The following ZSWIM8 variants were observed in gnomAD, a reference collection of about 807,000 sequenced individuals.
ZSWIM8 encodes the protein zinc finger SWIM-type containing 8.
ZSWIM8 carries 27 observed loss-of-function variants against 173.7 expected under a neutral mutation model. That is an observed-to-expected ratio of 0.16 (90% CI 0.11 to 0.21). The LOEUF (loss-of-function observed/expected upper bound fraction) is 0.21. ZSWIM8 is among the 10% of genes least tolerant of loss of function. The pLI, the probability that ZSWIM8 is intolerant of heterozygous loss-of-function variation, is 1.00. For missense variants in ZSWIM8, 1,627 were observed against 2,428.8 expected (o/e 0.67, Z 6.94); for synonymous variants, 958 against 962.0 (o/e 1.00, Z 0.08).
chr10:73,793,494 A>C, intron 10 of ZSWIM8, 94 bp from the exon 11 acceptor site: 4 of 1,416,864 alleles, frequency 2.8e-6, no homozygotes, highest in Non-Finnish European at 3.8e-6. Context: ...GCATGTAGCA[A>C]GTGTTCAAGG....
Position 73,792,983 on chromosome 10 carries a change from T to C in ZSWIM8, c.2313+131T>C. Reference sequence around the variant, plus strand: ...CCCTGTTGCAGGCGCCGAACTGGTCTCCCTGCTTTCAGTCTACTCACTTTT... The same window carrying C: ...CCCTGTTGCAGGCGCCGAACTGGTCCCCCTGCTTTCAGTCTACTCACTTTT... On this transcript the variant is annotated intron_variant, in intron 10 of 25. Transcript: ENST00000604729. The surrounding 1 kb of genome is among the most constrained non-coding windows in gnomAD (Gnocchi z 4.3). The C allele has an allele frequency of 9.0e-7, 1 of 1,111,638 alleles. No homozygotes were observed. Among genetic ancestry groups the C allele is most frequent in the Non-Finnish European group, 1.3e-6 (1 of 796,214 alleles). The allele number at this position is 1,111,638 out of a possible 1,614,324, so 68.9% of individuals were successfully genotyped here.
Position 73,797,470 on chromosome 10 carries a change from C to T in ZSWIM8, c.3527C>T (p.Thr1176Ile). 6.2e-7 allele frequency: 1 copy of T among 1,613,976 alleles called. No individual in the cohort carries two copies. The highest frequency in any genetic ancestry group is 8.5e-7 in the Non-Finnish European group (1 of 1,179,876). The change falls in exon 18 of 26, where the codon ACC becomes ATC. Residue 1176 changes from threonine (T) to isoleucine (I), a missense_variant. Physicochemically the swap from Thr to Ile is moderately conservative, Grantham distance 89 (BLOSUM62 -1). Coordinates refer to ENST00000604729, the MANE Select transcript of ZSWIM8 (RefSeq NM_001367799.1). The surrounding 1 kb of genome is among the most constrained non-coding windows in gnomAD (Gnocchi z 5.6). ...RRPLRGGWAP[T>I]SWGRGQDSDS... ...CCACTTCGAGGGGGCTGGGCCCCCA[C>T]CTCCTGGGGTCGAGGTCAGGACAGT...
chr10:73,792,512 C>A lies in ZSWIM8; in HGVS notation c.1973C>A (p.Thr658Asn), dbSNP rs781561893. The change falls in exon 10 of 26, where the codon ACT (threonine) becomes AAT (asparagine). Residue 658 changes from threonine to asparagine, a missense_variant. This residue lies in a region of ZSWIM8 where 383 missense variants were observed against 394.8 expected (regional missense o/e 0.97). Coordinates refer to ENST00000604729, the MANE Select transcript of ZSWIM8 (RefSeq NM_001367799.1). The surrounding 1 kb of genome is among the most constrained non-coding windows in gnomAD (Gnocchi z 4.3). The part of the protein sequence containing the change: ...PLHGGSRGPS[T>N]FLPEPPDTYE... The stretch of plus-strand genomic sequence containing the variant: ...CACGGTGGCTCCCGAGGCCCTTCCA[C>A]TTTCCTTCCTGAGCCCCCAGATACT... 3 of 1,613,896 alleles carry A rather than the reference C, an allele frequency of 1.9e-6. No homozygotes were observed. In the South Asian group the frequency reaches 3.3e-5, roughly 18 times the overall value.
chr10:73,798,495 G>A, intron 20 of ZSWIM8, 42 bp downstream of exon 20: 7 of 1,569,730 alleles, frequency 4.5e-6, no homozygotes, highest in Non-Finnish European at 6.1e-6. Flanking sequence ...TGGGGCATCT[G>A]GGCAGGGAGG....
Position 73,800,039 on chromosome 10 carries a change from A to C in ZSWIM8, c.4694A>C (p.Gln1565Pro). Residue 1565 changes from glutamine (Q) to proline (P), a missense_variant, in exon 22 of 26, where the codon CAG (glutamine) becomes CCG (proline). This residue lies in a region of ZSWIM8 where 275 missense variants were observed against 290.1 expected (regional missense o/e 0.95). Coordinates refer to ENST00000604729, the MANE Select transcript of ZSWIM8 (RefSeq NM_001367799.1). This position sits in a 1 kb window ranked among gnomAD's most constrained non-coding sequence, Gnocchi z 4.1. The stretch of plus-strand genomic sequence containing the variant: ...GTGCATCCTGCATTCCTAGGGGCTC[A>C]GTACCCTTATTCAGTGACTCCTCCC... ...QGVHPAFLGAQYPYSVTPPSL... is the reference protein window; with the variant it reads ...QGVHPAFLGAPYPYSVTPPSL... 4 of 1,613,730 alleles carry C rather than the reference A, an allele frequency of 2.5e-6. No homozygotes were observed. Among genetic ancestry groups the C allele is most frequent in the Non-Finnish European group, 3.4e-6 (4 of 1,179,786 alleles).
In ZSWIM8 at chr10:73,785,648, C is replaced by T. The variant is rs571368664; in HGVS notation, c.-231C>T. The T allele has an allele frequency of 3.3e-6, 2 of 608,618 alleles. No individual in the cohort carries two copies. The highest frequency in any genetic ancestry group is 4.0e-5 in the East Asian group (1 of 24,792). The allele number at this position is 608,618 out of a possible 1,614,324, so 37.7% of individuals were successfully genotyped here. A position where few individuals can be genotyped will look rare whatever the true frequency, so the allele number is the denominator to read the frequency against. ...AGCCGCCGAGCGCTTCGTCCCGGCC[C>T]TAAGTCTCGGAGACTGGCCAAGATC... On this transcript the variant is annotated 5_prime_UTR_variant, in exon 1 of 26. Transcript: ENST00000604729.
chr10:73,798,538 G>C, intron 20 of ZSWIM8, 85 bp downstream of exon 20: 1 of 1,239,688 alleles, frequency 8.1e-7, no homozygotes, highest in Non-Finnish European at 1.1e-6. Context: ...CCCAGCTCTT[G>C]ATTCCCGTAT....
At position 73,789,351 on chromosome 10, in the gene ZSWIM8, C is replaced by A; in HGVS notation, c.458-16C>A. ...TCCTGACAGCACTCCCTGACCATGC[C>A]CCCATTTCTCCCCAGGGTTCCACCT... On this transcript the variant is annotated splice_polypyrimidine_tract_variant and intron_variant, in intron 3 of 25. Transcript: ENST00000604729. The surrounding 1 kb of genome is among the most constrained non-coding windows in gnomAD (Gnocchi z 6.8). 1 of 1,551,332 alleles carries A rather than the reference C, an allele frequency of 6.4e-7. No individual in the cohort carries two copies. Among genetic ancestry groups the A allele is most frequent in the East Asian group, 2.3e-5 (1 of 43,392 alleles).
Position 73,792,922 on chromosome 10 carries a change from T to C in ZSWIM8, c.2313+70T>C. The C allele has an allele frequency of 1.3e-6, 2 of 1,487,104 alleles. No individual in the cohort carries two copies. The highest frequency in any genetic ancestry group is 2.3e-5 in the East Asian group (1 of 43,800). 92.1% of individuals were successfully genotyped at this position (1,487,104 alleles called of 1,614,324 possible). A position where few individuals can be genotyped will look rare whatever the true frequency, so the allele number is the denominator to read the frequency against. ...ACTGGGAGGGGCTATCTAGCTCTAG[T>C]TGGGAGTGTCAGGACCATCAGCAGG... On this transcript the variant is annotated intron_variant, in intron 10 of 25. Coordinates refer to ENST00000604729, the MANE Select transcript of ZSWIM8 (RefSeq NM_001367799.1). This position sits in a 1 kb window ranked among gnomAD's most constrained non-coding sequence, Gnocchi z 4.3.
In ZSWIM8 at chr10:73,800,012, G is replaced by A. The variant is rs2083862784; in HGVS notation, c.4667G>A (p.Gly1556Asp). 4 of 1,613,016 alleles carry A rather than the reference G, an allele frequency of 2.5e-6. No individual in the cohort carries two copies. The highest frequency in any genetic ancestry group is 1.3e-5 in the African/African-American group (1 of 74,898). The change falls in exon 22 of 26, where the codon GGT (glycine) becomes GAT (aspartate). Residue 1556 changes from glycine to aspartate, a missense_variant and splice_region_variant. This residue lies in a region of ZSWIM8 where 275 missense variants were observed against 290.1 expected (regional missense o/e 0.95). Coordinates refer to ENST00000604729, the MANE Select transcript of ZSWIM8 (RefSeq NM_001367799.1). The surrounding 1 kb of genome is among the most constrained non-coding windows in gnomAD (Gnocchi z 4.1). ...FPVPSSAYPQ[G>D]VHPAFLGAQY... Reference sequence around the variant, plus strand: ...CCCCTTTCTTCTCCCTGCCCCTAGGGTGTGCATCCTGCATTCCTAGGGGCT... The same window carrying A: ...CCCCTTTCTTCTCCCTGCCCCTAGGATGTGCATCCTGCATTCCTAGGGGCT...
Position 73,785,743 on chromosome 10 carries a change from C to T in ZSWIM8, c.-136C>T. ...TCCCAGGCCTGAGATTCTCGCCCGG[C>T]ACGGCCGCCCTGAGCGCCCCGGCCA... On this transcript the variant is annotated 5_prime_UTR_variant, in exon 1 of 26. Coordinates refer to ENST00000604729, the MANE Select transcript of ZSWIM8 (RefSeq NM_001367799.1). The T allele has an allele frequency of 1.1e-6, 1 of 902,556 alleles. No individual in the cohort carries two copies. Among genetic ancestry groups the T allele is most frequent in the Non-Finnish European group, 1.7e-6 (1 of 584,066 alleles). The allele number at this position is 902,556 out of a possible 1,614,324, so 55.9% of individuals were successfully genotyped here.
intron 15 of ZSWIM8, chr10:73,796,512 C>A (rs2083663748): frequency 1.9e-6 from 1 of 527,120 alleles, no homozygotes; most frequent in Non-Finnish European, 3.4e-6. Flanking sequence ...GGCATAAAGT[C>A]ATTCATTCAC....
intron 1 of ZSWIM8, 130 bp from the exon 2 acceptor site, chr10:73,788,539 TC>T: frequency 8.6e-7 from 1 of 1,158,158 alleles, no homozygotes; most frequent in East Asian, 2.5e-5. Flanking sequence ...CCTAGGACTT[TC>T]ATCCAGGTCT....
In ZSWIM8 at chr10:73,792,595, G is replaced by C; in HGVS notation, c.2056G>C (p.Val686Leu). 6.2e-7 allele frequency: 1 copy of C among 1,614,054 alleles called. No homozygotes were observed. Residue 686 changes from valine to leucine, a missense_variant, in exon 10 of 26, where the codon GTT (valine) becomes CTT (leucine). This residue lies in a region of ZSWIM8 where 383 missense variants were observed against 394.8 expected (regional missense o/e 0.97). Transcript: ENST00000604729. This position sits in a 1 kb window ranked among gnomAD's most constrained non-coding sequence, Gnocchi z 4.3. ...AGGGCCTGAGCCTCCCACAGCCTCTGTTGGCCCCCCTGGCCTACTGCCTGG... is the reference window on the plus strand; with the variant it reads ...AGGGCCTGAGCCTCCCACAGCCTCTCTTGGCCCCCCTGGCCTACTGCCTGG... ...SEGPEPPTAS[V>L]GPPGLLPGDV...
intron 1 of ZSWIM8, among the ~76,000 whole-genome samples, chr10:73,788,145 C>T (rs1306719050): frequency 6.6e-6 from 1 of 151,546 alleles, no homozygotes; most frequent in Non-Finnish European, 1.5e-5. Flanking sequence ...CAAAAGTGGT[C>T]TGGCCTCTCG....
Position 73,800,399 on chromosome 10 carries a change from G to A in ZSWIM8, c.4929G>A (p.Pro1643=), listed in dbSNP as rs369375036. The A allele has an allele frequency of 6.9e-5, 111 of 1,613,696 alleles. No individual in the cohort carries two copies. Among genetic ancestry groups the A allele is most frequent in the Middle Eastern group, 3.3e-4 (2 of 6,082 alleles). ...CTCTGGTGAGCGGAGGTTTTCCACC[G>A]CCCGAGGAGGAGACACACAGTCAGC... ...PSPLVSGGFP[P]PEEETHSQPV... is the part of the protein sequence containing the mutation. Residue 1643 remains proline (P), a synonymous_variant, in exon 23 of 26, where the codon CCG becomes CCA. Transcript: ENST00000604729. The surrounding 1 kb of genome is among the most constrained non-coding windows in gnomAD (Gnocchi z 4.1).
In ZSWIM8 at chr10:73,793,736, C is replaced by T; in HGVS notation, c.2445+17C>T. On this transcript the variant is annotated intron_variant, in intron 11 of 25. Coordinates refer to ENST00000604729, the MANE Select transcript of ZSWIM8 (RefSeq NM_001367799.1). The stretch of plus-strand genomic sequence containing the variant: ...CCTGCCAAGGTGAGAGACCCCCTTC[C>T]TCTACCTTCCCCTCCCCCACTTACC... 2 of 1,593,678 alleles carry T rather than the reference C, an allele frequency of 1.3e-6. No homozygotes were observed. Among genetic ancestry groups the T allele is most frequent in the Non-Finnish European group, 1.7e-6 (2 of 1,169,804 alleles).
intron 1 of ZSWIM8, among the ~76,000 whole-genome samples, chr10:73,787,578 G>T (rs982740968): frequency 6.6e-6 from 1 of 152,194 alleles, no homozygotes; most frequent in Admixed American, 6.5e-5. Flanking sequence ...TTGGCCAGGT[G>T]CGGTGGCTCG....
intron 20 of ZSWIM8, 28 bp downstream of exon 20, chr10:73,798,481 C>A: frequency 6.3e-7 from 1 of 1,597,094 alleles, no homozygotes; most frequent in South Asian, 1.1e-5. Flanking sequence ...CTGGGAACCT[C>A]TTCTGGGGCA....
Sources: gnomAD v4.1 joint callset for allele counts (sites outside exome capture counted in the v4.1 genomes callset) on GRCh38, gnomAD v4.1.1 for gene constraint, gnomAD v4.1.1 regional missense constraint, Gnocchi (gnomAD v3.1) non-coding constraint, MANE v1.5 for transcripts, NCBI Gene and HGNC (gene_info 2026-07-23, HGNC 2026-07-21) for gene names.